AHCTF1: variants seen among roughly 807,000 people sequenced by gnomAD.
AHCTF1 encodes protein ELYS.
A neutral mutation model predicts 248.4 loss-of-function variants in AHCTF1; 24 were observed. The ratio of observed to expected loss-of-function variants is 0.10; its 90% CI spans 0.07 to 0.14. The LOEUF (loss-of-function observed/expected upper bound fraction) is 0.14. AHCTF1 is among the 10% of genes least tolerant of loss of function. The pLI, the probability that AHCTF1 is intolerant of heterozygous loss-of-function variation, is 1.00. For missense variants in AHCTF1, 2,206 were observed against 2,636.2 expected (o/e 0.84, Z 3.57); for synonymous variants, 786 against 929.8 (o/e 0.85, Z 2.81).
intron 4 of AHCTF1, among the ~76,000 whole-genome samples, chr1:246,908,701 C>T (rs1665568692): frequency 7.1e-6 from 1 of 140,178 alleles, no homozygotes; most frequent in Non-Finnish European, 1.5e-5. Flanking sequence ...TCCTGGCTAA[C>T]ACGGTGAAAC....
At chr1:246,920,952 C>T (rs944004885) in intron 1 of AHCTF1, among the ~76,000 whole-genome samples, 1 of 151,304 alleles carries the variant, frequency 6.6e-6, no homozygotes, top group African/African-American at 2.4e-5. Flanking sequence ...ATCAGCTGGC[C>T]ATGGTGGCGC....
chr1:246,890,807 G>GT (rs1664159638), intron 16 of AHCTF1, 149 bp downstream of exon 16: 2 of 485,014 alleles, frequency 4.1e-6, no homozygotes, highest in Non-Finnish European at 7.1e-6. Context: ...AAGGAAAAAT[G>GT]TAAGAAAAGA....
chr1:246,872,803 A>C (rs1662691362), intron 24 of AHCTF1, among the ~76,000 whole-genome samples: 1 of 152,176 alleles, frequency 6.6e-6, no homozygotes, highest in Admixed American at 6.5e-5. Context: ...TGCTGTCGAG[A>C]CCAAGAGGGC....
Position 246,869,026 on chromosome 1 carries a change from A to G in AHCTF1, c.3089-1215T>C, listed in dbSNP as rs181990187. On this transcript the variant is annotated intron_variant, in intron 24 of 35. Coordinates refer to ENST00000648844, the MANE Select transcript of AHCTF1 (RefSeq NM_001323342.2). ...TGCCTGGCTAACTTTTTCTATTTTT[A>G]GTAGAGACGGGGTTTCACCATGTTG... Among the ~76,000 whole-genome samples, 431 of 151,154 alleles carry G rather than the reference A, an allele frequency of 2.9e-3. 1 individual carries two copies. The highest frequency in any genetic ancestry group is 0.01 in the African/African-American group (415 of 40,934).
intron 5 of AHCTF1, 91 bp downstream of exon 5, chr1:246,907,460 A>C (rs564528268): frequency 8.7e-7 from 1 of 1,149,438 alleles, no homozygotes; most frequent in Non-Finnish European, 1.2e-6. Flanking sequence ...CCCTTTTCTC[A>C]CTATGCTAAC....
intron 29 of AHCTF1, 102 bp from the exon 30 acceptor site, chr1:246,857,916 TG>T: frequency 1.8e-6 from 2 of 1,123,380 alleles, no homozygotes; most frequent in Non-Finnish European, 2.5e-6. Context: ...TCTGCTTTTT[TG>T]TTCTTTTAGG....
rs530322992 is a variant in AHCTF1 at position 246,876,920 on chromosome 1, T to C, written c.2937+30A>G. ...GCCTCCAGTTTTCCTTATTCTCTTA[T>C]CCCCCATAATAAGACAACTTTAATC... On this transcript the variant is annotated intron_variant, in intron 23 of 35. Coordinates refer to ENST00000648844, the MANE Select transcript of AHCTF1 (RefSeq NM_001323342.2). The C allele has an allele frequency of 1.3e-4, 206 of 1,607,576 alleles. 2 individuals are homozygous for C. In the South Asian group the frequency reaches 2.1e-3, roughly 17 times the overall value.
chr1:246,902,793 G>T, intron 7 of AHCTF1, 118 bp from the exon 8 acceptor site: 2 of 966,298 alleles, frequency 2.1e-6, no homozygotes, highest in Non-Finnish European at 1.4e-6. Flanking sequence ...AATTTAGACT[G>T]AAGAGAACCA....
intron 30 of AHCTF1, among the ~76,000 whole-genome samples, chr1:246,857,078 A>C (rs1661162469): frequency 6.6e-6 from 1 of 152,214 alleles, no homozygotes; most frequent in African/African-American, 2.4e-5. Flanking sequence ...TGCTTCACTA[A>C]TCATACTGAT....
At chr1:246,852,979 T>C (rs1173868394) in intron 32 of AHCTF1, 112 bp downstream of exon 32, 4 of 743,060 alleles carry the variant, frequency 5.4e-6, no homozygotes. Context: ...ATAAATAAGT[T>C]TTTATATAGC....
At chr1:246,844,257 A>T (rs952195207) in intron 33 of AHCTF1, among the ~76,000 whole-genome samples, 1 of 152,212 alleles carries the variant, frequency 6.6e-6, no homozygotes, top group Non-Finnish European at 1.5e-5. Context: ...CTGGGGAGGG[A>T]AAGCATTAAT....
intron 23 of AHCTF1, 129 bp from the exon 24 acceptor site, chr1:246,876,316 C>T: frequency 1.3e-6 from 1 of 777,664 alleles, no homozygotes; most frequent in Non-Finnish European, 1.9e-6. Flanking sequence ...ATCCATTTTT[C>T]CAAACCAAGA....
chr1:246,860,799 A>G (rs2103065364), intron 29 of AHCTF1, 100 bp downstream of exon 29: 1 of 1,457,386 alleles, frequency 6.9e-7, no homozygotes, highest in Non-Finnish European at 9.3e-7. Context: ...GAGCCACAGT[A>G]CCTGGCTAGG....
chr1:246,915,996 T>G, intron 3 of AHCTF1, 146 bp downstream of exon 3: 1 of 950,558 alleles, frequency 1.1e-6, no homozygotes, highest in Non-Finnish European at 1.5e-6. Flanking sequence ...TTCTAAACAC[T>G]TTACCTAAGA....
rs1264912028 is a variant in AHCTF1, at chr1:246,900,013, C to T, written c.1432+52G>A. 1.7e-5 allele frequency: 26 copies of T among 1,499,672 alleles called. No individual in the cohort carries two copies. In the East Asian group the frequency reaches 5.5e-4, roughly 32 times the overall value. 92.9% of individuals were successfully genotyped at this position (1,499,672 alleles called of 1,614,324 possible). A position where few individuals can be genotyped will look rare whatever the true frequency, so the allele number is the denominator to read the frequency against. On this transcript the variant is annotated intron_variant, in intron 10 of 35. Coordinates refer to ENST00000648844, the MANE Select transcript of AHCTF1 (RefSeq NM_001323342.2). ...ATAAACTACACAACGTATACATTTA[C>T]ATACTTTTGTGCATTACTTTTCTTA...
chr1:246,919,470 T>G (rs1347269769), intron 1 of AHCTF1, among the ~76,000 whole-genome samples: 1 of 152,002 alleles, frequency 6.6e-6, no homozygotes, highest in Non-Finnish European at 1.5e-5. Context: ...TCCCAGCACT[T>G]TGGGAGGCTG....
intron 4 of AHCTF1, among the ~76,000 whole-genome samples, chr1:246,908,065 C>A (rs752561949): frequency 7.9e-5 from 12 of 152,020 alleles, no homozygotes; most frequent in Non-Finnish European, 1.6e-4. Context: ...TGATTTATTT[C>A]TTTATTGAAA....
At chr1:246,912,045 T>C (rs1665840404) in intron 4 of AHCTF1, among the ~76,000 whole-genome samples, 1 of 152,088 alleles carries the variant, frequency 6.6e-6, no homozygotes, top group African/African-American at 2.4e-5. Context: ...ACTGGCAGTT[T>C]TAATCGGTTT....
rs1363625991 is a variant in AHCTF1, at chr1:246,853,226, G to A, written c.4428C>T (p.Arg1476=). The A allele has an allele frequency of 1.1e-5, 17 of 1,613,830 alleles. No individual in the cohort carries two copies. The highest frequency in any genetic ancestry group is 1.4e-5 in the Non-Finnish European group (17 of 1,179,878). ...TISEGPIVSE[R]RLNQEVALNL... is the part of the protein sequence containing the mutation. ...TCAGCGCTACTTCCTGGTTAAGCCT[G>A]CGCTCAGAGACAATAGGACCTTCAG... The change falls in exon 32 of 36, where the codon CGC becomes CGT. Residue 1476 remains arginine (R), a synonymous_variant. Transcript: ENST00000648844.
Sources: gnomAD v4.1 joint callset for allele counts (sites outside exome capture counted in the v4.1 genomes callset) on GRCh38, gnomAD v4.1.1 for gene constraint, MANE v1.5 for transcripts, NCBI Gene and HGNC (gene_info 2026-07-23, HGNC 2026-07-21) for gene names.